Variants in TMEM74B observed in about 807,000 individuals in gnomAD.
TMEM74B encodes transmembrane protein C20orf46.
In TMEM74B, 7 loss-of-function variants were observed where a neutral mutation model predicts 6.5. The observed-to-expected ratio is 1.07, with a 90% confidence interval of 0.61 to 2.01. The LOEUF (loss-of-function observed/expected upper bound fraction) is 2.01. Ranked by LOEUF, TMEM74B falls within the 30% of genes most tolerant of loss-of-function variation. TMEM74B has a pLI of 0.00. For missense variants in TMEM74B, 342 were observed against 337.0 expected (o/e 1.01, Z -0.12); for synonymous variants, 151 against 151.6 (o/e 1.00, Z 0.03).
chr20:1,183,792 C>T lies in TMEM74B; in HGVS notation c.10G>A (p.Ala4Thr). MPPAQGYEFAAAKG... is the reference protein window; with the variant it reads MPPTQGYEFAAAKG... ...AAACCTGCAAACTCATACCCCTGTG[C>T]TGGTGGCATCACTCCACCAGCCTTC... The change falls in exon 2 of 3, where the codon GCA (alanine) becomes ACA (threonine). Residue 4 changes from alanine to threonine, a missense_variant. Transcript: ENST00000429036. 1.2e-6 allele frequency: 2 copies of T among 1,614,022 alleles called. No individual in the cohort carries two copies. The highest frequency in any genetic ancestry group is 2.2e-5 in the East Asian group (1 of 44,868).
Position 1,183,895 on chromosome 20 carries a change from A to G in TMEM74B, c.-94T>C. 1 of 1,495,240 alleles carries G rather than the reference A, an allele frequency of 6.7e-7. No individual in the cohort carries two copies. Among genetic ancestry groups the G allele is most frequent in the Middle Eastern group, 1.7e-4 (1 of 5,746 alleles). 92.6% of individuals were successfully genotyped at this position (1,495,240 alleles called of 1,614,324 possible). ...CAGCAACCGTGAGCACCTTGAGAGC[A>G]GGCATAAGTTTGAATTCCATCTGGG... On this transcript the variant is annotated 5_prime_UTR_variant, in exon 2 of 3. Transcript: ENST00000429036.
At chr20:1,188,155 TAC>T (rs138460101), upstream of TMEM74B, among the ~76,000 whole-genome samples, 774 of 140,818 alleles carry the variant, frequency 5.5e-3, 6 homozygotes, top group South Asian at 0.022. Flanking sequence ...ATATATATAA[TAC>T]ACACACACAC....
upstream of TMEM74B, among the ~76,000 whole-genome samples, chr20:1,187,263 TTC>T (rs2087033938): frequency 6.6e-6 from 1 of 152,132 alleles, no homozygotes; most frequent in African/African-American, 2.4e-5. Context: ...TGACATTAGT[TTC>T]TGTTTGCTTA....
Position 1,181,400 on chromosome 20 carries a change from G to A in TMEM74B, c.219C>T (p.Phe73=). 3 of 1,529,622 alleles carry A rather than the reference G, an allele frequency of 2.0e-6. No individual in the cohort carries two copies. Among genetic ancestry groups the A allele is most frequent in the Admixed American group, 2.1e-5 (1 of 47,844 alleles). 94.8% of individuals were successfully genotyped at this position (1,529,622 alleles called of 1,614,324 possible). Residue 73 remains phenylalanine, a synonymous_variant, in exon 3 of 3, where the codon TTC becomes TTT. Transcript: ENST00000429036. The surrounding 1 kb of genome is among the most constrained non-coding windows in gnomAD (Gnocchi z 4.9). The stretch of plus-strand genomic sequence containing the variant: ...CCAGTCTCGTGTTCCCAGGGTTCTG[G>A]AAATGGGTCTCATGCTCCTCTGAGG... ...CFSSEEHETH[F]QNPGNTRLGS...
chr20:1,181,184 A>C lies in TMEM74B; in HGVS notation c.435T>G (p.Arg145=). ...LLVVTAYAIP[R]EARVNPDTVT... is the part of the protein sequence containing the mutation. Reference sequence around the variant, plus strand: ...CTGTGTCCGGATTGACTCGAGCCTCACGGGGGATGGCGTATGCTGTCACCA... The same window carrying C: ...CTGTGTCCGGATTGACTCGAGCCTCCCGGGGGATGGCGTATGCTGTCACCA... Residue 145 remains arginine (R), a synonymous_variant, in exon 3 of 3, where the codon CGT becomes CGG. Transcript: ENST00000429036. This position sits in a 1 kb window ranked among gnomAD's most constrained non-coding sequence, Gnocchi z 4.9. 6.2e-7 allele frequency: 1 copy of C among 1,614,106 alleles called. No homozygotes were observed.
upstream of TMEM74B, among the ~76,000 whole-genome samples, chr20:1,187,591 A>T (rs2087036798): frequency 6.6e-6 from 1 of 152,240 alleles, no homozygotes; most frequent in South Asian, 2.1e-4. Flanking sequence ...AGTCTTGGGG[A>T]TAGGAATGGC....
At chr20:1,186,978 G>A (rs1300627801), upstream of TMEM74B, among the ~76,000 whole-genome samples, 4 of 152,216 alleles carry the variant, frequency 2.6e-5, no homozygotes, top group South Asian at 4.1e-4. Context: ...GAAGTGTTAT[G>A]GGAATGGGAT....
chr20:1,182,046 G>T (rs1034043308), intron 2 of TMEM74B, among the ~76,000 whole-genome samples: 3 of 152,122 alleles, frequency 2.0e-5, no homozygotes, highest in Non-Finnish European at 4.4e-5. Flanking sequence ...TCCAGATTCG[G>T]TCTTCATCTT....
chr20:1,186,828 G>A (rs1369023820), upstream of TMEM74B, among the ~76,000 whole-genome samples: 1 of 152,130 alleles, frequency 6.6e-6, no homozygotes, highest in East Asian at 1.9e-4. Flanking sequence ...GGCCTGGCCC[G>A]TTGTTAGAGA....
chr20:1,185,771 C>T (rs1424231876), upstream of TMEM74B, among the ~76,000 whole-genome samples: 1 of 151,858 alleles, frequency 6.6e-6, no homozygotes, highest in African/African-American at 2.4e-5. Context: ...TTGCGCCAAG[C>T]GCAGGTGCCT....
At chr20:1,188,717 C>A (rs919424756), upstream of TMEM74B, among the ~76,000 whole-genome samples, 7 of 152,116 alleles carry the variant, frequency 4.6e-5, no homozygotes, top group Non-Finnish European at 7.4e-5. Context: ...AAAGAGTTCC[C>A]AATGGCCAAA....
rs1348648671 is a variant in TMEM74B, at chr20:1,184,037, C to T, written c.-147-89G>A. On this transcript the variant is annotated intron_variant, in intron 1 of 2. Transcript: ENST00000429036. The surrounding 1 kb of genome is among the most constrained non-coding windows in gnomAD (Gnocchi z 6.0). ...AAAAACATTTTCCTGAGTGCCCAGCCACAAACAGGGACCAGCAGTGGGTGC... is the reference window on the plus strand; with the variant it reads ...AAAAACATTTTCCTGAGTGCCCAGCTACAAACAGGGACCAGCAGTGGGTGC... 1.9e-6 allele frequency: 1 copy of T among 513,822 alleles called. No individual in the cohort carries two copies. The highest frequency in any genetic ancestry group is 3.5e-6 in the Non-Finnish European group (1 of 286,368). The allele number at this position is 513,822 out of a possible 1,614,324, so 31.8% of individuals were successfully genotyped here. A position where few individuals can be genotyped will look rare whatever the true frequency, so the allele number is the denominator to read the frequency against.
chr20:1,181,237 C>T lies in TMEM74B; in HGVS notation c.382G>A (p.Val128Ile), dbSNP rs768495572. 102 of 1,614,074 alleles carry T rather than the reference C, an allele frequency of 6.3e-5. No homozygotes were observed. The highest frequency in any genetic ancestry group is 9.9e-5 in the South Asian group (9 of 91,042). The change falls in exon 3 of 3, where the codon GTT becomes ATT. Residue 128 changes from valine to isoleucine, a missense_variant. Coordinates refer to ENST00000429036, the MANE Select transcript of TMEM74B (RefSeq NM_001304748.2). This position sits in a 1 kb window ranked among gnomAD's most constrained non-coding sequence, Gnocchi z 4.9. ...PVDYGFVSALVFLVSGILLVV... is the reference protein window; with the variant it reads ...PVDYGFVSALIFLVSGILLVV... Reference sequence around the variant, plus strand: ...AGAAGAATCCCACTCACCAGGAAAACGAGGGCGGAAACAAAGCCATAATCC... The same window carrying T: ...AGAAGAATCCCACTCACCAGGAAAATGAGGGCGGAAACAAAGCCATAATCC...
Position 1,184,128 on chromosome 20 carries a change from G to A in TMEM74B, c.-148+174C>T, listed in dbSNP as rs1413743518. On this transcript the variant is annotated intron_variant, in intron 1 of 2. Coordinates refer to ENST00000429036, the MANE Select transcript of TMEM74B (RefSeq NM_001304748.2). The surrounding 1 kb of genome is among the most constrained non-coding windows in gnomAD (Gnocchi z 6.0). Reference sequence around the variant, plus strand: ...CACCTTCCACCCAACTCAGCTCCTGGAGTGGCCCAGGAACCCCTTTCCCAG... The same window carrying A: ...CACCTTCCACCCAACTCAGCTCCTGAAGTGGCCCAGGAACCCCTTTCCCAG... The A allele has an allele frequency of 7.2e-6, 2 of 279,418 alleles. No homozygotes were observed. Among genetic ancestry groups the A allele is most frequent in the Non-Finnish European group, 1.3e-5 (2 of 148,544 alleles). The allele number at this position is 279,418 out of a possible 1,614,324, so 17.3% of individuals were successfully genotyped here. A position where few individuals can be genotyped will look rare whatever the true frequency, so the allele number is the denominator to read the frequency against.
At chr20:1,189,227 A>G (rs2087050585), upstream of TMEM74B, 1 of 152,226 alleles carries the variant, frequency 6.6e-6, no homozygotes, top group Admixed American at 6.5e-5. The surrounding 1 kb of genome is among the most constrained non-coding windows in gnomAD (Gnocchi z 4.5). Flanking sequence ...AAAATTCTAC[A>G]AAACATCTGA....
At position 1,181,271 on chromosome 20, in the gene TMEM74B, G is replaced by C; in HGVS notation, c.348C>G (p.Ser116Arg). ...AAACAAAGCCATAATCCACCGGGCG[G>C]CTCACGGGCTCCAGGGCTGGCCCCT... ...SEEGPALEPV[S>R]RPVDYGFVSA... Residue 116 changes from serine to arginine, a missense_variant, in exon 3 of 3, where the codon AGC becomes AGG. Physicochemically the swap from Ser to Arg is moderately radical, Grantham distance 110. Coordinates refer to ENST00000429036, the MANE Select transcript of TMEM74B (RefSeq NM_001304748.2). This position sits in a 1 kb window ranked among gnomAD's most constrained non-coding sequence, Gnocchi z 4.9. 6.2e-7 allele frequency: 1 copy of C among 1,613,746 alleles called. No individual in the cohort carries two copies. The highest frequency in any genetic ancestry group is 8.5e-7 in the Non-Finnish European group (1 of 1,179,832).
At chr20:1,188,592 C>T (rs1310291379), upstream of TMEM74B, among the ~76,000 whole-genome samples, 1 of 144,108 alleles carries the variant, frequency 6.9e-6, no homozygotes, top group Non-Finnish European at 1.5e-5. Flanking sequence ...ACACACACAC[C>T]ATACACACAA....
In TMEM74B at chr20:1,181,608, T is replaced by A; in HGVS notation, c.32-21A>T. 2 of 1,450,520 alleles carry A rather than the reference T, an allele frequency of 1.4e-6. No homozygotes were observed. Among genetic ancestry groups the A allele is most frequent in the African/African-American group, 1.4e-5 (1 of 69,784 alleles). 89.9% of individuals were successfully genotyped at this position (1,450,520 alleles called of 1,614,324 possible). On this transcript the variant is annotated intron_variant, in intron 2 of 2. Coordinates refer to ENST00000429036, the MANE Select transcript of TMEM74B (RefSeq NM_001304748.2). This position sits in a 1 kb window ranked among gnomAD's most constrained non-coding sequence, Gnocchi z 4.9. ...GGCAGCTGGAAGAGAAAAAAGAAAGTCAGTTGAATGTAGCAACCTCTCCCT... is the reference window on the plus strand; with the variant it reads ...GGCAGCTGGAAGAGAAAAAAGAAAGACAGTTGAATGTAGCAACCTCTCCCT...
At chr20:1,185,938 G>C (rs1055089008), upstream of TMEM74B, among the ~76,000 whole-genome samples, 6 of 151,912 alleles carry the variant, frequency 3.9e-5, no homozygotes, top group South Asian at 2.1e-4. Flanking sequence ...CCACCTGAAG[G>C]CTGCAAGAAA....
Sources: gnomAD v4.1 joint callset for allele counts (sites outside exome capture counted in the v4.1 genomes callset) on GRCh38, gnomAD v4.1.1 for gene constraint, Gnocchi (gnomAD v3.1) non-coding constraint, MANE v1.5 for transcripts, NCBI Gene and HGNC (gene_info 2026-07-23, HGNC 2026-07-21) for gene names.